Variants in C7orf57 observed in about 807,000 individuals in gnomAD.
The protein encoded by C7orf57 is uncharacterized protein C7orf57.
C7orf57 carries 33 observed loss-of-function variants against 39.0 expected under a neutral mutation model. That is an observed-to-expected ratio of 0.85 (90% CI 0.64 to 1.13). C7orf57 has a LOEUF of 1.13. C7orf57 is among the 50% of genes most tolerant of loss of function. The pLI is 0.00. For synonymous variants in C7orf57, 124 were observed against 137.1 expected, an observed-to-expected ratio of 0.90 and a Z score of 0.67; for missense variants, 346 against 362.3, an observed-to-expected ratio of 0.95 and a Z score of 0.37.
chr7:48,056,503 A>G (rs6943835), intron 8 of C7orf57, among the ~76,000 whole-genome samples: 21,139 of 151,998 alleles, frequency 0.14, 2,280 homozygotes, highest in African/African-American at 0.3. Flanking sequence ...TGTTCTGTCC[A>G]AAAAATCATT....
chr7:48,042,246 G>C (rs1790571768), intron 3 of C7orf57, among the ~76,000 whole-genome samples: 1 of 152,214 alleles, frequency 6.6e-6, no homozygotes, highest in African/African-American at 2.4e-5. Context: ...CAAACAATTT[G>C]ATGGACTAGG....
At position 48,036,333 on chromosome 7, in the gene C7orf57, C is replaced by T. The variant is rs1272178511; in HGVS notation, c.25C>T (p.Gln9Ter). The change falls in exon 2 of 9, where the codon CAG becomes TAG. Residue 9 changes from glutamine (Q) to a stop codon, truncating the protein, a stop_gained. Transcript: ENST00000348904. LOFTEE classifies it high-confidence loss of function. ...CATGAGGAACACAAGCAAGGAACTT[C>T]AGGGCGCCACGCACCGCTACGCTCC... MRNTSKEL[Q>*]GATHRYAPCD... The T allele has an allele frequency of 1.3e-6, 2 of 1,591,276 alleles. No homozygotes were observed. The highest frequency in any genetic ancestry group is 8.6e-7 in the Non-Finnish European group (1 of 1,169,288).
rs374647757 is a variant in C7orf57 at position 48,046,441 on chromosome 7, C to A, written c.351-19C>A. On this transcript the variant is annotated intron_variant, in intron 4 of 8. Coordinates refer to ENST00000348904, the MANE Select transcript of C7orf57 (RefSeq NM_001100159.3). ...AATGGCTCTGAGCACCAGGCTGTAA[C>A]TGGTGTCTGTCCTTGCAGAGTGCGG... 9.3e-6 allele frequency: 15 copies of A among 1,605,488 alleles called. No homozygotes were observed. In the African/African-American group the frequency reaches 1.5e-4, roughly 16 times the overall value.
intron 8 of C7orf57, among the ~76,000 whole-genome samples, chr7:48,057,448 C>A (rs773883683): frequency 2.2e-4 from 34 of 151,966 alleles, no homozygotes; most frequent in Non-Finnish European, 4.1e-4. Flanking sequence ...AGAATGCTAC[C>A]AATTTTTGTC....
chr7:48,051,034 G>T (rs1790858262), intron 6 of C7orf57, among the ~76,000 whole-genome samples: 1 of 152,196 alleles, frequency 6.6e-6, no homozygotes, highest in African/African-American at 2.4e-5. Context: ...TCACTCTTCA[G>T]TGTGGGTCAG....
chr7:48,046,741 C>T, intron 5 of C7orf57, 125 bp downstream of exon 5: 1 of 1,033,594 alleles, frequency 9.7e-7, no homozygotes, highest in Non-Finnish European at 1.4e-6. Context: ...GCCACGTGCT[C>T]TGTATTTTAA....
intron 3 of C7orf57, 64 bp from the exon 4 acceptor site, chr7:48,043,417 C>A: frequency 2.4e-6 from 3 of 1,230,810 alleles, no homozygotes; most frequent in Non-Finnish European, 3.5e-6. Flanking sequence ...CTATCACTGG[C>A]AATGCTGTGC....
chr7:48,051,713 CCTTT>C lies in C7orf57; in HGVS notation c.606-976_606-973del, dbSNP rs200005569. Among the ~76,000 whole-genome samples the C allele has an allele frequency of 3.1e-4, 18 of 57,944 alleles. 2 individuals are homozygous for C. Among genetic ancestry groups the C allele is most frequent in the East Asian group, 8.3e-4 (2 of 2,416 alleles). 38.0% of individuals were successfully genotyped at this position (57,944 alleles called of 152,430 possible). On this transcript the variant is annotated intron_variant, in intron 6 of 8. Transcript: ENST00000348904. ...CCTTTCTTTCTTTCTCTCTCTCTCT[CCTTT>C]CTTTCTTTCTCTTTTTCTTTTCTTT...
At position 48,036,499 on chromosome 7, in the gene C7orf57, TA is replaced by T. The variant is rs1008157533; in HGVS notation, c.55+138del. 6.3e-6 allele frequency: 5 copies of T among 792,182 alleles called. No individual in the cohort carries two copies. In the Admixed American group the frequency reaches 1.6e-4, roughly 26 times the overall value. 49.1% of individuals were successfully genotyped at this position (792,182 alleles called of 1,614,324 possible). ...ACGATGGAGGACCAAGTGATAAAAC[TA>T]ACAAGTCAAAGAAAGCCACAAACTG... On this transcript the variant is annotated intron_variant, in intron 2 of 8. Coordinates refer to ENST00000348904, the MANE Select transcript of C7orf57 (RefSeq NM_001100159.3).
Position 48,049,983 on chromosome 7 carries a change from T to G in C7orf57, c.605+6T>G. ...AGACTCTCCTTCCCCCCCGTGTAAGTGCTTGAGCTACGCCCTCACTGTCTG... is the reference window on the plus strand; with the variant it reads ...AGACTCTCCTTCCCCCCCGTGTAAGGGCTTGAGCTACGCCCTCACTGTCTG... On this transcript the variant is annotated splice_donor_region_variant and intron_variant, in intron 6 of 8. Coordinates refer to ENST00000348904, the MANE Select transcript of C7orf57 (RefSeq NM_001100159.3). 6.3e-7 allele frequency: 1 copy of G among 1,579,914 alleles called. No homozygotes were observed. Among genetic ancestry groups the G allele is most frequent in the Non-Finnish European group, 8.7e-7 (1 of 1,148,890 alleles).
At chr7:48,056,340 T>C (rs1791115151) in intron 8 of C7orf57, among the ~76,000 whole-genome samples, 1 of 152,188 alleles carries the variant, frequency 6.6e-6, no homozygotes, top group African/African-American at 2.4e-5. Context: ...GTTGAGTTCC[T>C]TATACATTTT....
At chr7:48,036,384 T>C (rs1247465466) in intron 2 of C7orf57, 21 bp downstream of exon 2, 11 of 1,556,262 alleles carry the variant, frequency 7.1e-6, no homozygotes, top group Non-Finnish European at 9.6e-6. Context: ...CCTGAGCGCG[T>C]CCCGGCCAGA....
chr7:48,049,740 A>G (rs1790818048), intron 5 of C7orf57, 140 bp from the exon 6 acceptor site: 2 of 621,714 alleles, frequency 3.2e-6, no homozygotes, highest in Admixed American at 2.7e-5. Flanking sequence ...GCTGAATTAT[A>G]TTTTATTGTG....
At chr7:48,050,343 T>C (rs1169418307) in intron 6 of C7orf57, among the ~76,000 whole-genome samples, 1 of 152,218 alleles carries the variant, frequency 6.6e-6, no homozygotes. Context: ...CTGACGTTTC[T>C]GTGTCCAAGG....
intron 4 of C7orf57, among the ~76,000 whole-genome samples, chr7:48,043,866 G>A (rs1018086739): frequency 4.0e-5 from 6 of 151,784 alleles, no homozygotes; most frequent in Admixed American, 2.0e-4. Flanking sequence ...GCGGGTCTTC[G>A]TTCTTAGAGC....
intron 2 of C7orf57, among the ~76,000 whole-genome samples, chr7:48,037,770 C>T (rs112446211): frequency 0.065 from 4,411 of 68,306 alleles, 211 homozygotes; most frequent in African/African-American, 0.2. Context: ...TGTGTGTGTG[C>T]GCGCGCGTGC....
At chr7:48,041,247 T>G (rs1223762126) in intron 2 of C7orf57, 87 bp from the exon 3 acceptor site, 12 of 1,236,458 alleles carry the variant, frequency 9.7e-6, no homozygotes, top group Non-Finnish European at 1.3e-5. Flanking sequence ...CCTGATGGTG[T>G]TGTCTGCATA....
At chr7:48,054,112 G>A (rs752177492) in intron 7 of C7orf57, among the ~76,000 whole-genome samples, 3 of 152,178 alleles carry the variant, frequency 2.0e-5, no homozygotes, top group Non-Finnish European at 4.4e-5. Flanking sequence ...CATACTCAGT[G>A]TTGTTAAAAA....
intron 5 of C7orf57, 120 bp downstream of exon 5, chr7:48,046,736 G>A (rs1470840463): frequency 7.4e-6 from 8 of 1,082,080 alleles, no homozygotes; most frequent in African/African-American, 3.2e-5. Flanking sequence ...CATCGGCCAC[G>A]TGCTCTGTAT....
Sources: gnomAD v4.1 joint callset for allele counts (sites outside exome capture counted in the v4.1 genomes callset) on GRCh38, gnomAD v4.1.1 for gene constraint, MANE v1.5 for transcripts, NCBI Gene and HGNC (gene_info 2026-07-23, HGNC 2026-07-21) for gene names.